LGR4: variants seen among roughly 807,000 people sequenced by gnomAD.
LGR4 encodes leucine-rich repeat-containing G protein-coupled receptor 4.
LGR4 carries 44 observed loss-of-function variants against 84.8 expected under a neutral mutation model. That is an observed-to-expected ratio of 0.52 (90% CI 0.41 to 0.67). LGR4 has a LOEUF of 0.67. Ranked by LOEUF, LGR4 falls within the 30% of genes least tolerant of loss-of-function variation. The pLI is 0.00. For missense variants in LGR4, 1,032 were observed against 1,131.4 expected (o/e 0.91, Z 1.26); for synonymous variants, 429 against 434.3 (o/e 0.99, Z 0.15).
At chr11:27,454,556 T>A (rs1307016002) in intron 1 of LGR4, among the ~76,000 whole-genome samples, 1 of 152,158 alleles carries the variant, frequency 6.6e-6, no homozygotes, top group Non-Finnish European at 1.5e-5. Flanking sequence ...GGTCAGGAGT[T>A]CGAGACCAGT....
At chr11:27,437,109 TG>T (rs1864225137) in intron 1 of LGR4, among the ~76,000 whole-genome samples, 1 of 152,164 alleles carries the variant, frequency 6.6e-6, no homozygotes, top group Non-Finnish European at 1.5e-5. Flanking sequence ...GTCTTAAATT[TG>T]GGGGCCAGCA....
At chr11:27,410,736 CCTAA>C (rs1332517809) in intron 2 of LGR4, among the ~76,000 whole-genome samples, 1 of 152,074 alleles carries the variant, frequency 6.6e-6, no homozygotes, top group East Asian at 1.9e-4. Context: ...ATTCTGCTCT[CCTAA>C]CTGAATTCAT....
rs74657438 is a variant in LGR4 at position 27,382,386 on chromosome 11, C to T, written c.690-130G>A. 4.5e-3 allele frequency: 2,773 copies of T among 617,324 alleles called. 75 individuals carry two copies. The highest frequency in any genetic ancestry group is 0.044 in the African/African-American group (2,386 of 53,676). 38.2% of individuals were successfully genotyped at this position (617,324 alleles called of 1,614,324 possible). ...GGTAATCTTTCTTTATCAACCATAT[C>T]GTCATTCAAAACCATGTAGGAGTTT... On this transcript the variant is annotated intron_variant, in intron 6 of 17. Transcript: ENST00000379214.
At chr11:27,420,166 A>G (rs1458847628) in intron 1 of LGR4, among the ~76,000 whole-genome samples, 1 of 152,168 alleles carries the variant, frequency 6.6e-6, no homozygotes, top group Non-Finnish European at 1.5e-5. Context: ...TCAGAAAAAA[A>G]ATAATTCATC....
intron 1 of LGR4, among the ~76,000 whole-genome samples, chr11:27,424,795 C>T (rs1273580367): frequency 6.6e-6 from 1 of 152,202 alleles, no homozygotes; most frequent in Non-Finnish European, 1.5e-5. Context: ...GTCACCCAGG[C>T]TGGAGTGCAA....
chr11:27,414,915 C>A (rs1401476890), intron 1 of LGR4, among the ~76,000 whole-genome samples: 1 of 152,086 alleles, frequency 6.6e-6, no homozygotes, highest in Non-Finnish European at 1.5e-5. Flanking sequence ...TACTGATTCA[C>A]CCTTTTCTGT....
intron 1 of LGR4, among the ~76,000 whole-genome samples, chr11:27,441,253 C>T (rs1434431071): frequency 6.6e-6 from 1 of 152,176 alleles, no homozygotes; most frequent in African/African-American, 2.4e-5. Flanking sequence ...CACACAGTGC[C>T]ATAATGGAAA....
chr11:27,413,178 A>G, intron 1 of LGR4, among the ~76,000 whole-genome samples: 1 of 152,146 alleles, frequency 6.6e-6, no homozygotes. Context: ...TATTCACAGT[A>G]CTACCTATAC....
intron 1 of LGR4, among the ~76,000 whole-genome samples, chr11:27,421,572 G>A (rs1157390916): frequency 1.3e-5 from 2 of 152,014 alleles, no homozygotes; most frequent in African/African-American, 4.8e-5. Context: ...ATAAAACACT[G>A]GTGTGTAAAT....
rs374111404 is a variant in LGR4, at chr11:27,452,031, A to G, written c.185+20087T>C. 8.5e-5 allele frequency among the ~76,000 whole-genome samples: 13 copies of G among 152,324 alleles called. No individual in the cohort carries two copies. In the East Asian group the frequency reaches 2.3e-3, roughly 27 times the overall value. On this transcript the variant is annotated intron_variant, in intron 1 of 17. Coordinates refer to ENST00000379214, the MANE Select transcript of LGR4 (RefSeq NM_018490.5). ...TGGGGGAAAAAATGGACACCCACGT[A>G]ATCTTCCAACAATTGCTCAATAGCA...
At chr11:27,399,993 A>G (rs1863468148) in intron 2 of LGR4, among the ~76,000 whole-genome samples, 2 of 152,172 alleles carry the variant, frequency 1.3e-5, no homozygotes, top group African/African-American at 4.8e-5. Context: ...ATATGTAATA[A>G]AAAACTATCA....
At chr11:27,430,892 C>T (rs1864104384) in intron 1 of LGR4, among the ~76,000 whole-genome samples, 1 of 151,876 alleles carries the variant, frequency 6.6e-6, no homozygotes. Context: ...CCCCACCCCA[C>T]TCCCAGCTCC....
rs1862806489 is a variant in LGR4, at chr11:27,368,274, G to A, written c.2449C>T (p.Arg817Ter). 2 of 1,614,052 alleles carry A rather than the reference G, an allele frequency of 1.2e-6. No homozygotes were observed. Among genetic ancestry groups the A allele is most frequent in the African/African-American group, 1.3e-5 (1 of 74,918 alleles). ...GATCCACTTTTCTTGGTAACACGTCGCTTCAGTAACTTCCAGTCTTCTTTA... is the reference window on the plus strand; with the variant it reads ...GATCCACTTTTCTTGGTAACACGTCACTTCAGTAACTTCCAGTCTTCTTTA... ...KFKEDWKLLK[R>*]RVTKKSGSVS... is the part of the protein sequence containing the mutation. Residue 817 changes from arginine (R) to a stop codon, truncating the protein, a stop_gained, in exon 18 of 18, where the codon CGA becomes TGA. Transcript: ENST00000379214. LOFTEE classifies it high-confidence loss of function.
At chr11:27,383,315 C>A (rs1863132595) in intron 6 of LGR4, among the ~76,000 whole-genome samples, 1 of 152,110 alleles carries the variant, frequency 6.6e-6, no homozygotes, top group African/African-American at 2.4e-5. Context: ...CTTTTTGTAA[C>A]AGAGAAGAAA....
chr11:27,371,409 A>G (rs1036873647), intron 17 of LGR4, among the ~76,000 whole-genome samples: 2 of 152,200 alleles, frequency 1.3e-5, no homozygotes, highest in African/African-American at 4.8e-5. Context: ...TAACATGCAG[A>G]TTCTGATTCA....
chr11:27,401,212 G>T (rs1042146737), intron 2 of LGR4, among the ~76,000 whole-genome samples: 1 of 152,118 alleles, frequency 6.6e-6, no homozygotes, highest in Non-Finnish European at 1.5e-5. Context: ...AAGCAGTAAT[G>T]CTTAACAAAA....
chr11:27,399,206 C>T (rs1469862134), intron 2 of LGR4, among the ~76,000 whole-genome samples: 1 of 152,104 alleles, frequency 6.6e-6, no homozygotes, highest in African/African-American at 2.4e-5. Context: ...TCTGAGTCAC[C>T]AGGCCTGGCC....
chr11:27,420,113 A>G (rs973186812), intron 1 of LGR4, among the ~76,000 whole-genome samples: 2 of 152,092 alleles, frequency 1.3e-5, no homozygotes, highest in African/African-American at 4.8e-5. Context: ...TTTTTCTTTT[A>G]TAACTAAGAG....
chr11:27,430,379 T>C (rs1269108590), intron 1 of LGR4, among the ~76,000 whole-genome samples: 1 of 152,178 alleles, frequency 6.6e-6, no homozygotes, highest in Admixed American at 6.5e-5. Flanking sequence ...CAAGTTGCCC[T>C]GGACAGCCAA....
Sources: allele counts gnomAD v4.1 joint callset (sites outside exome capture counted in the v4.1 genomes callset), GRCh38; gene constraint gnomAD v4.1.1; transcripts MANE v1.5; gene names NCBI Gene and HGNC (gene_info 2026-07-23, HGNC 2026-07-21).